The following TOX variants were observed in gnomAD, a reference collection of about 807,000 sequenced individuals.
TOX encodes thymocyte selection associated high mobility group box, also known as thymocyte selection-associated high mobility group box protein TOX.
Under a neutral mutation model 53.7 loss-of-function variants are expected in TOX, and 11 were observed. That is an observed-to-expected ratio of 0.20 (90% CI 0.13 to 0.34). The LOEUF is 0.34. Among genes scored for constraint, TOX ranks in the 10% least tolerant of loss-of-function variants. The probability of loss-of-function intolerance (pLI) is 1.00; values close to 1 mark genes in which losing one functional copy is unlikely to be tolerated. For missense variants in TOX, 570 were observed against 664.6 expected (o/e 0.86, Z 1.56); for synonymous variants, 225 against 245.3 (o/e 0.92, Z 0.77).
intron 1 of TOX, among the ~76,000 whole-genome samples, chr8:59,092,348 A>G (rs1326136702): frequency 7.4e-6 from 1 of 134,976 alleles, no homozygotes; most frequent in Non-Finnish European, 1.5e-5. Context: ...TATATACATT[A>G]TATATATTAT....
intron 1 of TOX, among the ~76,000 whole-genome samples, chr8:59,101,713 C>T (rs775096882): frequency 6.6e-6 from 1 of 152,180 alleles, no homozygotes; most frequent in Non-Finnish European, 1.5e-5. Context: ...CCATTATTTA[C>T]ACATGTCCAT....
chr8:58,946,390 C>T (rs1812522426), intron 2 of TOX, among the ~76,000 whole-genome samples: 1 of 152,032 alleles, frequency 6.6e-6, no homozygotes, highest in South Asian at 2.1e-4. Context: ...TTTGAGAAGA[C>T]CTTCAGGAGT....
chr8:59,083,764 C>G (rs1186246393), intron 1 of TOX, among the ~76,000 whole-genome samples: 1 of 152,052 alleles, frequency 6.6e-6, no homozygotes, highest in Non-Finnish European at 1.5e-5. Flanking sequence ...GAGAGAGAAA[C>G]GATAACTCAC....
intron 3 of TOX, among the ~76,000 whole-genome samples, chr8:58,852,457 G>A (rs1033230279): frequency 1.3e-5 from 2 of 152,124 alleles, no homozygotes; most frequent in African/African-American, 4.8e-5. Context: ...AAAATTGCAA[G>A]GTCAACATAT....
rs145826898 is a variant in TOX, at chr8:58,962,296, T to C, written c.103-2288A>G. ...AAACAGCATTTTACCATAAAAGACT[T>C]GTGGCTATCGGCATTATAACTATAT... On this transcript the variant is annotated intron_variant, in intron 1 of 8. Coordinates refer to ENST00000361421, the MANE Select transcript of TOX (RefSeq NM_014729.3). 7.9e-5 allele frequency among the ~76,000 whole-genome samples: 12 copies of C among 152,352 alleles called. No individual in the cohort carries two copies. In the East Asian group the frequency reaches 2.1e-3, roughly 27 times the overall value.
At chr8:58,883,142 A>T (rs1811410438) in intron 3 of TOX, among the ~76,000 whole-genome samples, 1 of 152,200 alleles carries the variant, frequency 6.6e-6, no homozygotes, top group Non-Finnish European at 1.5e-5. Flanking sequence ...AGGCACACAG[A>T]GCTAGACTCT....
intron 1 of TOX, among the ~76,000 whole-genome samples, chr8:59,055,007 AAG>A (rs1803866117): frequency 1.3e-5 from 2 of 151,846 alleles, no homozygotes; most frequent in South Asian, 4.2e-4. Context: ...AGGAAAAAAA[AAG>A]AGTCAAAGAA....
At chr8:59,084,248 C>T (rs1367960159) in intron 1 of TOX, among the ~76,000 whole-genome samples, 1 of 151,920 alleles carries the variant, frequency 6.6e-6, no homozygotes, top group Admixed American at 6.6e-5. Context: ...TCTTTATTAT[C>T]AAACTATAAA....
chr8:58,989,422 C>T (rs574143626), intron 1 of TOX, among the ~76,000 whole-genome samples: 4 of 152,242 alleles, frequency 2.6e-5, no homozygotes, highest in East Asian at 3.9e-4. Flanking sequence ...GGAGATCAAC[C>T]GGATGTTGAG....
intron 1 of TOX, among the ~76,000 whole-genome samples, chr8:59,053,316 A>G (rs907263051): frequency 1.1e-4 from 16 of 152,120 alleles, no homozygotes; most frequent in African/African-American, 3.9e-4. Flanking sequence ...TAAAACAACA[A>G]AGTCCTGCTA....
intron 3 of TOX, among the ~76,000 whole-genome samples, chr8:58,914,016 G>A (rs1811957065): frequency 6.6e-6 from 1 of 152,176 alleles, no homozygotes; most frequent in Non-Finnish European, 1.5e-5. Flanking sequence ...GGTCCACCTG[G>A]CATCATTTGG....
At chr8:59,115,006 T>C (rs1291115794) in intron 1 of TOX, among the ~76,000 whole-genome samples, 5 of 152,170 alleles carry the variant, frequency 3.3e-5, no homozygotes, top group African/African-American at 4.8e-5. Flanking sequence ...AAAGAACATA[T>C]ACACTGTCCT....
rs79106860 is a variant in TOX at position 59,049,386 on chromosome 8, T to C, written c.102+69500A>G. 3.8e-3 allele frequency among the ~76,000 whole-genome samples: 586 copies of C among 152,294 alleles called. 5 individuals are homozygous for C. Among genetic ancestry groups the C allele is most frequent in the African/African-American group, 0.013 (549 of 41,578 alleles). ...TTATCTTCTGTTCTTTTTAACAAAC[T>C]AGATAAAATACATTTTTTAATCAAC... is the stretch of plus-strand genomic sequence containing the variant. On this transcript the variant is annotated intron_variant, in intron 1 of 8. Transcript: ENST00000361421.
rs749990553 is a variant in TOX at position 58,815,499 on chromosome 8, C to G, written c.1231G>C (p.Ala411Pro). ...NNQMPVTVSI[A>P]NMAVSPPPPL... ...GGAGGAGGGGACACAGCCATGTTTG[C>G]TATAGAGACAGTCACTGGCATTTGG... The change falls in exon 7 of 9, where the codon GCA (alanine) becomes CCA (proline). Residue 411 changes from alanine to proline, a missense_variant. Physicochemically the swap from Ala to Pro is conservative, Grantham distance 27. Around this residue, in one of 3 missense-constraint regions of TOX, gnomAD observed 239 missense variants for 250.7 expected, o/e 0.95. Coordinates refer to ENST00000361421, the MANE Select transcript of TOX (RefSeq NM_014729.3). The G allele has an allele frequency of 6.2e-7, 1 of 1,613,946 alleles. No individual in the cohort carries two copies. The highest frequency in any genetic ancestry group is 8.5e-7 in the Non-Finnish European group (1 of 1,179,950).
intron 3 of TOX, among the ~76,000 whole-genome samples, chr8:58,868,181 G>A (rs1370879508): frequency 2.6e-5 from 4 of 152,132 alleles, no homozygotes; most frequent in Admixed American, 6.6e-5. Flanking sequence ...TGTAAGACAT[G>A]CAATTGCTCC....
intron 1 of TOX, among the ~76,000 whole-genome samples, chr8:59,031,445 G>A (rs530381744): frequency 3.9e-5 from 6 of 152,270 alleles, no homozygotes; most frequent in Middle Eastern, 3.4e-3. Context: ...CTGAGCACAC[G>A]CTATGTTCCA....
chr8:58,942,011 C>T (rs958509375), intron 2 of TOX, among the ~76,000 whole-genome samples: 4 of 149,172 alleles, frequency 2.7e-5, no homozygotes, highest in Non-Finnish European at 5.9e-5. Flanking sequence ...TGAGAGCGTG[C>T]CACGACACTC....
At chr8:59,035,912 C>G (rs1814449452) in intron 1 of TOX, among the ~76,000 whole-genome samples, 2 of 152,188 alleles carry the variant, frequency 1.3e-5, no homozygotes, top group African/African-American at 4.8e-5. Flanking sequence ...GCTATTGTGA[C>G]AGCACTATGA....
At chr8:58,876,050 C>T (rs1373501184) in intron 3 of TOX, among the ~76,000 whole-genome samples, 1 of 152,030 alleles carries the variant, frequency 6.6e-6, no homozygotes, top group Non-Finnish European at 1.5e-5. Context: ...TCCGAGAATG[C>T]CTTACTTTTC....
Sources: allele counts gnomAD v4.1 joint callset (sites outside exome capture counted in the v4.1 genomes callset), GRCh38; gene constraint gnomAD v4.1.1; regional missense constraint gnomAD v4.1.1; transcripts MANE v1.5; gene names NCBI Gene and HGNC (gene_info 2026-07-23, HGNC 2026-07-21).